PPIP5K1: variants seen among roughly 807,000 people sequenced by gnomAD.
The protein encoded by PPIP5K1 is inositol hexakisphosphate and diphosphoinositol-pentakisphosphate kinase 1.
PPIP5K1 carries 6 observed loss-of-function variants against 27.7 expected under a neutral mutation model. That is an observed-to-expected ratio of 0.22 (90% CI 0.12 to 0.43). The LOEUF (loss-of-function observed/expected upper bound fraction) is 0.43. PPIP5K1 is among the 20% of genes least tolerant of loss of function. PPIP5K1 has a pLI of 1.00. For missense variants in PPIP5K1, 394 were observed against 635.4 expected (o/e 0.62, Z 4.08); for synonymous variants, 145 against 242.6 (o/e 0.60, Z 3.74).
intron 30 of PPIP5K1, among the ~76,000 whole-genome samples, chr15:43,543,590 AG>A (rs924858084): frequency 6.6e-6 from 1 of 152,162 alleles, no homozygotes; most frequent in Admixed American, 6.5e-5. Flanking sequence ...TAGTTGCTAA[AG>A]GAGCTCATGC....
At chr15:43,537,706 A>AGAG (rs1555419106) in intron 31 of PPIP5K1, among the ~76,000 whole-genome samples, 1 of 126,740 alleles carries the variant, frequency 7.9e-6, no homozygotes, top group African/African-American at 3.5e-5. Context: ...AAAAAAAAAA[A>AGAG]AGAGAGAGAG....
At chr15:43,551,479 C>A (rs2140887468) in intron 30 of PPIP5K1, among the ~76,000 whole-genome samples, 1 of 143,086 alleles carries the variant, frequency 7.0e-6, no homozygotes, top group South Asian at 2.3e-4. Flanking sequence ...GATGATGCCA[C>A]TGCACTCCAG....
intron 30 of PPIP5K1, among the ~76,000 whole-genome samples, chr15:43,554,227 A>G (rs1348744741): frequency 6.6e-6 from 1 of 152,202 alleles, no homozygotes; most frequent in Admixed American, 6.5e-5. Flanking sequence ...TGTGTCATGT[A>G]TTTTGGGGCT....
intron 30 of PPIP5K1, among the ~76,000 whole-genome samples, chr15:43,539,963 T>C (rs976718258): frequency 1.3e-5 from 2 of 152,148 alleles, no homozygotes; most frequent in Admixed American, 1.3e-4. Context: ...CTCTAAAATA[T>C]AAGAAATGGC....
chr15:43,540,089 C>T (rs940115345), intron 30 of PPIP5K1, among the ~76,000 whole-genome samples: 2 of 151,356 alleles, frequency 1.3e-5, no homozygotes, highest in Non-Finnish European at 2.9e-5. Context: ...CCCATTTCTA[C>T]TAAAAATACA....
chr15:43,542,544 G>GC (rs751787255), intron 30 of PPIP5K1, among the ~76,000 whole-genome samples: 2 of 151,264 alleles, frequency 1.3e-5, no homozygotes, highest in African/African-American at 2.4e-5. Context: ...CCCTGCCTTG[G>GC]CCTTCGAAAG....
chr15:43,580,264 G>A (rs1199609236), intron 10 of PPIP5K1, among the ~76,000 whole-genome samples: 1 of 24,974 alleles, frequency 4.0e-5, no homozygotes, highest in Non-Finnish European at 6.3e-5. Flanking sequence ...TTACAGGCGT[G>A]AGCTACCGCA....
rs558563987 is a variant in PPIP5K1, at chr15:43,535,943, A to G, written c.3671-467T>C. On this transcript the variant is annotated intron_variant, in intron 31 of 31. Transcript: ENST00000420765. ...GTGTAGTTTGGAGGAGGGAGGAGGA[A>G]GAAGGCAATATAATTTTGTTGGAAC... 3.8e-4 allele frequency among the ~76,000 whole-genome samples: 58 copies of G among 152,350 alleles called. 1 individual carries two copies. The South Asian group carries it at 0.012, about 30-fold the overall frequency.
At chr15:43,547,600 T>C (rs2081538079) in intron 30 of PPIP5K1, among the ~76,000 whole-genome samples, 2 of 152,266 alleles carry the variant, frequency 1.3e-5, no homozygotes, top group South Asian at 4.1e-4. Context: ...GCACCACTTA[T>C]CGAAGAGACT....
At chr15:43,549,406 G>T (rs2081916581) in intron 30 of PPIP5K1, among the ~76,000 whole-genome samples, 2 of 151,988 alleles carry the variant, frequency 1.3e-5, no homozygotes, top group Admixed American at 1.3e-4. Context: ...GCTCATGCCT[G>T]TAATCCCAGC....
At chr15:43,547,049 C>A (rs540959544) in intron 30 of PPIP5K1, among the ~76,000 whole-genome samples, 1 of 146,898 alleles carries the variant, frequency 6.8e-6, no homozygotes, top group South Asian at 2.2e-4. Flanking sequence ...TCCAGTTTGT[C>A]CACATCCTAA....
In PPIP5K1 at chr15:43,560,576, G is replaced by GT; in HGVS notation, c.3254dup (p.His1085GlnfsTer13). On this transcript the variant is annotated frameshift_variant, in exon 29 of 32. Transcript: ENST00000420765. LOFTEE classifies it high-confidence loss of function. ...AACTGCGCAGCAACCGGACCACAGG[G>GT]TGCTGGTCATCCAGCAGCTCTGGAC... 1.0e-6 allele frequency: 1 copy of GT among 989,420 alleles called. No homozygotes were observed. The highest frequency in any genetic ancestry group is 1.4e-6 in the Non-Finnish European group (1 of 711,308). 61.3% of individuals were successfully genotyped at this position (989,420 alleles called of 1,614,324 possible).
intron 30 of PPIP5K1, among the ~76,000 whole-genome samples, chr15:43,541,117 T>C (rs1366221225): frequency 1.3e-5 from 2 of 152,076 alleles, no homozygotes; most frequent in African/African-American, 4.8e-5. Flanking sequence ...CTCTCCTTTT[T>C]TCATAGTAAC....
At position 43,542,312 on chromosome 15, in the gene PPIP5K1, G is replaced by C. The variant is rs536775615; in HGVS notation, c.3557-2729C>G. 6.6e-5 allele frequency among the ~76,000 whole-genome samples: 10 copies of C among 150,466 alleles called. No individual in the cohort carries two copies. The South Asian group carries it at 1.1e-3, about 16-fold the overall frequency. Reference sequence around the variant, plus strand: ...TTACTTAATTTTGGCGGGGGGGGGGGGCAGAGTCTTGCTCTGTCACCCATG... The same window carrying C: ...TTACTTAATTTTGGCGGGGGGGGGGCGCAGAGTCTTGCTCTGTCACCCATG... On this transcript the variant is annotated intron_variant, in intron 30 of 31. Coordinates refer to ENST00000420765, the MANE Select transcript of PPIP5K1 (RefSeq NM_001394395.1).
At chr15:43,552,546 G>A (rs376049921) in intron 30 of PPIP5K1, among the ~76,000 whole-genome samples, 111 of 119,982 alleles carry the variant, frequency 9.3e-4, no homozygotes, top group Middle Eastern at 4.2e-3. Flanking sequence ...AAAAAAAAAA[G>A]AAAAAAAAAA....
intron 30 of PPIP5K1, among the ~76,000 whole-genome samples, chr15:43,541,484 A>G (rs904223772): frequency 2.0e-5 from 3 of 152,132 alleles, no homozygotes; most frequent in African/African-American, 7.2e-5. Context: ...TGGGAGGCCG[A>G]GGCGGGTAGA....
At chr15:43,542,301 C>T (rs1394086864) in intron 30 of PPIP5K1, among the ~76,000 whole-genome samples, 3 of 123,060 alleles carry the variant, frequency 2.4e-5, no homozygotes, top group South Asian at 2.6e-4. Context: ...TTAATTTTGG[C>T]GGGGGGGGGG....
intron 30 of PPIP5K1, among the ~76,000 whole-genome samples, chr15:43,551,219 TG>T (rs2140880993): frequency 6.6e-6 from 1 of 152,272 alleles, no homozygotes; most frequent in Non-Finnish European, 1.5e-5. Context: ...TGGAGGTTTT[TG>T]TTACTAATCT....
chr15:43,534,783 G>A lies in PPIP5K1; in HGVS notation c.4364C>T (p.Ser1455Phe). Residue 1455 changes from serine to phenylalanine, a missense_variant, in exon 32 of 32, where the codon TCT becomes TTT. Physicochemically the swap from Ser to Phe is radical, Grantham distance 155 (BLOSUM62 -2). This residue lies in a region of PPIP5K1 where 379 missense variants were observed against 423.9 expected (regional missense o/e 0.89). Coordinates refer to ENST00000420765, the MANE Select transcript of PPIP5K1 (RefSeq NM_001394395.1). ...VEVGRLAQETSAINLLSQGIP... is the reference protein window; with the variant it reads ...VEVGRLAQETFAINLLSQGIP... Reference sequence around the variant, plus strand: ...GCCCTGAGATAACAGATTGATCGCAGAAGTCTCCTGGGCCAGCCTGCCAAC... The same window carrying A: ...GCCCTGAGATAACAGATTGATCGCAAAAGTCTCCTGGGCCAGCCTGCCAAC... The A allele has an allele frequency of 6.3e-7, 1 of 1,586,732 alleles. No homozygotes were observed. The highest frequency in any genetic ancestry group is 8.6e-7 in the Non-Finnish European group (1 of 1,167,502).
Sources: gnomAD v4.1 joint callset for allele counts (sites outside exome capture counted in the v4.1 genomes callset) on GRCh38, gnomAD v4.1.1 for gene constraint, gnomAD v4.1.1 regional missense constraint, MANE v1.5 for transcripts, NCBI Gene and HGNC (gene_info 2026-07-23, HGNC 2026-07-21) for gene names.